Variants in LY96 observed in about 807,000 individuals in gnomAD.
LY96 encodes the protein myeloid differentiation protein-2.
Under a neutral mutation model 18.9 loss-of-function variants are expected in LY96, and 18 were observed. The observed-to-expected ratio is 0.95, with a 90% CI of 0.66 to 1.41. LY96 has a LOEUF of 1.41. LY96 is among the 40% of genes most tolerant of loss of function. LY96 has a pLI of 0.00. For missense variants in LY96, 175 were observed against 182.4 expected (o/e 0.96, Z 0.23); for synonymous variants, 66 against 62.6 (o/e 1.06, Z -0.26).
At chr8:74,082,820 G>A in the LY96 span, among the ~76,000 whole-genome samples, 6 of 152,234 alleles carry the variant, frequency 3.9e-5, no homozygotes, top group African/African-American at 1.4e-4. Context: ...ATAAGCTAGG[G>A]GGAAACTTAG....
chr8:74,067,827 GAGGCAGAC>G, the LY96 span, among the ~76,000 whole-genome samples: 1 of 151,978 alleles, frequency 6.6e-6, no homozygotes, highest in Non-Finnish European at 1.5e-5. Flanking sequence ...TTGGGAAGCT[GAGGCAGAC>G]TGATCACCTG....
chr8:74,079,817 T>C, the LY96 span, among the ~76,000 whole-genome samples: 1 of 152,088 alleles, frequency 6.6e-6, no homozygotes, highest in African/African-American at 2.4e-5. Flanking sequence ...CTAAAATTGC[T>C]GGGATTACAG....
the LY96 span, among the ~76,000 whole-genome samples, chr8:74,077,171 G>A: frequency 6.6e-6 from 1 of 152,156 alleles, no homozygotes; most frequent in Non-Finnish European, 1.5e-5. Flanking sequence ...CACCCTCCCA[G>A]CATCTTGATG....
At chr8:74,029,890 C>T (rs781612305), downstream of LY96, among the ~76,000 whole-genome samples, 1 of 152,148 alleles carries the variant, frequency 6.6e-6, no homozygotes, top group Non-Finnish European at 1.5e-5. Flanking sequence ...GAACTCCTGA[C>T]CTCAGGTGAT....
At chr8:74,057,095 G>T in the LY96 span, among the ~76,000 whole-genome samples, 3 of 152,214 alleles carry the variant, frequency 2.0e-5, no homozygotes, top group Non-Finnish European at 2.9e-5. Context: ...TTTGCATGCA[G>T]AAAAGCTGTC....
At chr8:74,068,819 G>C in the LY96 span, among the ~76,000 whole-genome samples, 1 of 152,006 alleles carries the variant, frequency 6.6e-6, no homozygotes, top group African/African-American at 2.4e-5. Flanking sequence ...TTCTTTTTGA[G>C]ACAGTCTCAC....
chr8:74,010,987 T>C (rs1816520267), intron 3 of LY96, among the ~76,000 whole-genome samples: 1 of 152,186 alleles, frequency 6.6e-6, no homozygotes, highest in Non-Finnish European at 1.5e-5. Context: ...CTTCAAAGTT[T>C]CTCTTTCTTG....
the LY96 span, among the ~76,000 whole-genome samples, chr8:74,090,110 A>C: frequency 6.6e-6 from 1 of 152,184 alleles, no homozygotes; most frequent in African/African-American, 2.4e-5. Flanking sequence ...GACTCCCTCT[A>C]TGCTCCATCA....
At chr8:74,063,615 T>C in the LY96 span, among the ~76,000 whole-genome samples, 1 of 152,138 alleles carries the variant, frequency 6.6e-6, no homozygotes, top group African/African-American at 2.4e-5. Flanking sequence ...CTAATACCCT[T>C]ACAATATTAA....
chr8:74,084,770 C>G, the LY96 span, among the ~76,000 whole-genome samples: 6 of 152,200 alleles, frequency 3.9e-5, no homozygotes, highest in African/African-American at 1.4e-4. Flanking sequence ...CCTGCCACCA[C>G]GCCCGGCTAA....
the LY96 span, among the ~76,000 whole-genome samples, chr8:74,085,638 C>T: frequency 6.6e-6 from 1 of 152,198 alleles, no homozygotes. Context: ...TCACACTGGC[C>T]TTTTTCCTGT....
intron 3 of LY96, among the ~76,000 whole-genome samples, chr8:74,023,132 G>A (rs909047568): frequency 2.6e-5 from 4 of 152,186 alleles, no homozygotes; most frequent in African/African-American, 9.7e-5. Context: ...TCCCTGGACC[G>A]GTTCTTGGTT....
intron 1 of LY96, 60 bp downstream of exon 1, chr8:73,991,614 C>T (rs1351444493): frequency 6.1e-6 from 6 of 979,684 alleles, no homozygotes; most frequent in African/African-American, 3.2e-5. Context: ...TAAGTTTTCA[C>T]GAGAACCGTA....
chr8:74,040,741 C>T, the LY96 span, among the ~76,000 whole-genome samples: 1,909 of 126,118 alleles, frequency 0.015, 32 homozygotes, highest in East Asian at 0.041. Context: ...CTCACTCTGT[C>T]GCCTGGGCTG....
the LY96 span, among the ~76,000 whole-genome samples, chr8:74,096,652 A>C: frequency 6.6e-6 from 1 of 152,084 alleles, no homozygotes; most frequent in Non-Finnish European, 1.5e-5. Context: ...TGCTTTTGAC[A>C]ATTGTCAGCC....
the LY96 span, chr8:74,052,573 A>C: frequency 6.6e-6 from 1 of 152,292 alleles, no homozygotes; most frequent in Admixed American, 6.5e-5. Context: ...GAGTTGTAGC[A>C]GCAAGCCCAA....
At chr8:74,019,299 C>A (rs987377518) in intron 3 of LY96, among the ~76,000 whole-genome samples, 26 of 152,162 alleles carry the variant, frequency 1.7e-4, no homozygotes, top group Non-Finnish European at 2.9e-4. Context: ...CACCTCTATG[C>A]AAATAAACTA....
chr8:74,026,003 A>G (rs1272654242), intron 3 of LY96, among the ~76,000 whole-genome samples: 1 of 152,196 alleles, frequency 6.6e-6, no homozygotes, highest in Non-Finnish European at 1.5e-5. Context: ...GTGAGACTCC[A>G]TCTCAAAACA....
At chr8:74,060,296 A>G in the LY96 span, among the ~76,000 whole-genome samples, 1 of 152,260 alleles carries the variant, frequency 6.6e-6, no homozygotes, top group South Asian at 2.1e-4. Context: ...ATATCCAGAA[A>G]ATGTTTTCTT....
Sources: allele counts gnomAD v4.1 joint callset (sites outside exome capture counted in the v4.1 genomes callset), GRCh38; gene constraint gnomAD v4.1.1; transcripts MANE v1.5; gene names NCBI Gene and HGNC (gene_info 2026-07-23, HGNC 2026-07-21).